Variants in SYT15 observed in about 807,000 individuals in gnomAD.
The protein encoded by SYT15 is synaptotagmin 15, also known as synaptotagmin-15.
SYT15 carries 4 observed loss-of-function variants against 30.1 expected under a neutral mutation model. That is an observed-to-expected ratio of 0.13 (90% confidence interval 0.07 to 0.30). The LOEUF (loss-of-function observed/expected upper bound fraction) is 0.30, where lower values mean the gene tolerates loss of function less well. SYT15 is among the 10% of genes least tolerant of loss of function. SYT15 has a pLI of 1.00. For missense variants in SYT15, 49 were observed against 371.7 expected (o/e 0.13, Z 7.14); for synonymous variants, 19 against 166.3 (o/e 0.11, Z 6.82).
chr10:46,595,335 A>T (rs1279094849), downstream of SYT15, among the ~76,000 whole-genome samples: 6 of 132,518 alleles, frequency 4.5e-5, no homozygotes, highest in East Asian at 6.8e-4. Flanking sequence ...TCTTTCTTTC[A>T]ACGGAGTTTT....
chr10:46,596,313 A>G (rs1210510912), downstream of SYT15: 3 of 151,842 alleles, frequency 2.0e-5, no homozygotes, highest in East Asian at 1.9e-4. Flanking sequence ...AATTACTGCA[A>G]GAGTCTCGAG....
rs200211646 is a variant in SYT15 at position 46,583,861 on chromosome 10, C to G, written c.781C>G (p.Arg261Gly). 813 of 1,553,828 alleles carry G rather than the reference C, an allele frequency of 5.2e-4. 96 individuals carry two copies. The Middle Eastern group carries it at 8.2e-3, about 16-fold the overall frequency. The change falls in exon 5 of 8, where the codon CGG becomes GGG. Residue 261 changes from arginine (R) to glycine (G), a missense_variant. Coordinates refer to ENST00000374321, the MANE Select transcript of SYT15 (RefSeq NM_031912.5). ...LKNETLVGDCRRVIWRDLEAE... is the reference protein window; with the variant it reads ...LKNETLVGDCGRVIWRDLEAE... The stretch of plus-strand genomic sequence containing the variant: ...GAATGAGACCCTAGTGGGGGACTGC[C>G]GGCGTGTCATCTGGAGAGACCTGGA...
intron 5 of SYT15, among the ~76,000 whole-genome samples, chr10:46,584,242 C>G (rs1383988002): frequency 2.6e-5 from 4 of 151,738 alleles, no homozygotes; most frequent in Admixed American, 2.0e-4. Context: ...CAGCCCACCA[C>G]CCCCAGGAAG....
At position 46,587,874 on chromosome 10, in the gene SYT15, CCTT is replaced by C. The variant is rs765932951; in HGVS notation, c.*228_*230del. The stretch of plus-strand genomic sequence containing the variant: ...ACAGCCTTCCGACACACTCCCTCCT[CCTT>C]ATCTGCGGGGCTGCCTGGGCTCGGA... On this transcript the variant is annotated 3_prime_UTR_variant, in exon 8 of 8. Coordinates refer to ENST00000374321, the MANE Select transcript of SYT15 (RefSeq NM_031912.5). 15 of 24,818 alleles carry C rather than the reference CCTT, an allele frequency of 6.0e-4. No homozygotes were observed. The highest frequency in any genetic ancestry group is 1.2e-3 in the Admixed American group (3 of 2,414). The allele number at this position is 24,818 out of a possible 1,614,324, so 1.5% of individuals were successfully genotyped here. A position where few individuals can be genotyped will look rare whatever the true frequency, so the allele number is the denominator to read the frequency against.
chr10:46,586,649 A>G (rs1555040963), intron 7 of SYT15, among the ~76,000 whole-genome samples: 1 of 141,672 alleles, frequency 7.1e-6, no homozygotes, highest in East Asian at 2.0e-4. Context: ...GATCAAGACC[A>G]TCCTGGCCAA....
downstream of SYT15, among the ~76,000 whole-genome samples, chr10:46,594,930 A>G (rs1209333099): frequency 1.0e-5 from 1 of 99,146 alleles, no homozygotes; most frequent in Non-Finnish European, 1.9e-5. Flanking sequence ...GAGTGATTTT[A>G]TACAGGGAAT....
At chr10:46,596,731 G>A (rs1845699288), downstream of SYT15, 3 of 385,224 alleles carry the variant, frequency 7.8e-6, 1 homozygote, top group Non-Finnish European at 1.5e-5. Flanking sequence ...CAAGCTAGTT[G>A]GGGAGGGAAG....
chr10:46,580,626 A>G (rs1844070393), intron 2 of SYT15, among the ~76,000 whole-genome samples: 1 of 136,390 alleles, frequency 7.3e-6, no homozygotes, highest in Non-Finnish European at 1.6e-5. Context: ...CAGGAATCCA[A>G]ACCCAGACTG....
At chr10:46,586,512 T>C in intron 7 of SYT15, among the ~76,000 whole-genome samples, 1 of 100,244 alleles carries the variant, frequency 1.0e-5, no homozygotes, top group Non-Finnish European at 2.0e-5. Context: ...CACCACTGCA[T>C]TCCAGCCTGG....
intron 1 of SYT15, 121 bp from the exon 2 acceptor site, chr10:46,580,043 A>G: frequency 2.0e-6 from 1 of 490,714 alleles, no homozygotes; most frequent in Admixed American, 3.4e-5. Context: ...TGCTCCTATC[A>G]CTCCTGAGAT....
chr10:46,595,820 G>A (rs1228231193), downstream of SYT15, among the ~76,000 whole-genome samples: 1 of 132,690 alleles, frequency 7.5e-6, no homozygotes, highest in Non-Finnish European at 1.6e-5. Context: ...CAGGCTGCAG[G>A]GACAGCTGCT....
rs1486901842 is a variant in SYT15, at chr10:46,590,864, C to T, written c.*3217C>T. ...CACCTTTTGAAATAATTTTATTTTT[C>T]TCCTTTATTCTTTGGATGTGATGAC... is the stretch of plus-strand genomic sequence containing the variant. On this transcript the variant is annotated 3_prime_UTR_variant, in exon 8 of 8. Coordinates refer to ENST00000374321, the MANE Select transcript of SYT15 (RefSeq NM_031912.5). 1 of 130,420 alleles carries T rather than the reference C, an allele frequency of 7.7e-6. No individual in the cohort carries two copies. Among genetic ancestry groups the T allele is most frequent in the African/African-American group, 3.1e-5 (1 of 32,254 alleles). The allele number at this position is 130,420 out of a possible 1,614,324, so 8.1% of individuals were successfully genotyped here. A position where few individuals can be genotyped will look rare whatever the true frequency, so the allele number is the denominator to read the frequency against.
At position 46,590,905 on chromosome 10, in the gene SYT15, G is replaced by A. The variant is rs1362041637; in HGVS notation, c.*3258G>A. 3.6e-5 allele frequency: 5 copies of A among 138,768 alleles called. 1 individual carries two copies. The highest frequency in any genetic ancestry group is 7.5e-3 in the Middle Eastern group (2 of 266). 8.6% of individuals were successfully genotyped at this position (138,768 alleles called of 1,614,324 possible). On this transcript the variant is annotated 3_prime_UTR_variant, in exon 8 of 8. Coordinates refer to ENST00000374321, the MANE Select transcript of SYT15 (RefSeq NM_031912.5). ...ATGTGATGACTTATACTAATTGACT[G>A]TTGAATGTCAAACCAAACTTAACAT...
chr10:46,591,895 C>CT lies in SYT15; in HGVS notation c.*4251dup, dbSNP rs1845455768. 7.2e-6 allele frequency: 1 copy of CT among 139,422 alleles called. No individual in the cohort carries two copies. The highest frequency in any genetic ancestry group is 2.0e-4 in the East Asian group (1 of 4,982). The allele number at this position is 139,422 out of a possible 1,614,324, so 8.6% of individuals were successfully genotyped here. Reference sequence around the variant, plus strand: ...ACCACTCACAATGGTATTTTTTTCACTTTCCCCCTTATTTTTGAATTTTCA... The same window carrying CT: ...ACCACTCACAATGGTATTTTTTTCACTTTTCCCCCTTATTTTTGAATTTTCA... On this transcript the variant is annotated 3_prime_UTR_variant, in exon 8 of 8. Transcript: ENST00000374321.
At chr10:46,594,572 A>G (rs1158561653), downstream of SYT15, among the ~76,000 whole-genome samples, 1 of 142,970 alleles carries the variant, frequency 7.0e-6, no homozygotes, top group Non-Finnish European at 1.5e-5. Flanking sequence ...CTGCCTTGAC[A>G]ACCTCAGTCT....
chr10:46,584,666 GCCTGGGGCTACAGTCCAA>G, intron 6 of SYT15, 51 bp downstream of exon 6: 2 of 1,481,762 alleles, frequency 1.3e-6, no homozygotes, highest in Non-Finnish European at 1.8e-6. Context: ...CGAGCTTACA[GCCTGGGGCTACAGTCCAA>G]CCTCATCCCT....
chr10:46,581,911 T>C lies in SYT15; in HGVS notation c.371T>C (p.Val124Ala), dbSNP rs782109470. Residue 124 changes from valine (V) to alanine (A), a missense_variant, in exon 4 of 8, where the codon GTG becomes GCG. By Grantham distance (64) the Val-to-Ala change is moderately conservative (BLOSUM62 0). Coordinates refer to ENST00000374321, the MANE Select transcript of SYT15 (RefSeq NM_031912.5). ...SSGGLGDACMVGAINPELYKF... is the reference protein window; with the variant it reads ...SSGGLGDACMAGAINPELYKF... ...TCTGTCATAGGAGATGCATGTATGG[T>C]GGGGGCCATCAACCCAGAGCTGTAC... 3 of 1,553,524 alleles carry C rather than the reference T, an allele frequency of 1.9e-6. No individual in the cohort carries two copies. The highest frequency in any genetic ancestry group is 2.3e-5 in the South Asian group (2 of 86,978).
At chr10:46,596,919 A>G, downstream of SYT15, 1 of 336,938 alleles carries the variant, frequency 3.0e-6, no homozygotes, top group South Asian at 2.2e-5. Context: ...GCCTATTTTT[A>G]TAGCTAGAAG....
chr10:46,586,241 CAAAAAAAAAAA>C (rs375456623), intron 7 of SYT15, among the ~76,000 whole-genome samples: 1 of 21,644 alleles, frequency 4.6e-5, no homozygotes, highest in Admixed American at 3.9e-4. Context: ...CTGAATCTGT[CAAAAAAAAAAA>C]AAAAAAAAAA....
Sources: gnomAD v4.1 joint callset for allele counts (sites outside exome capture counted in the v4.1 genomes callset) on GRCh38, gnomAD v4.1.1 for gene constraint, MANE v1.5 for transcripts, NCBI Gene and HGNC (gene_info 2026-07-23, HGNC 2026-07-21) for gene names.